Variants in ENTREP2 observed in about 807,000 individuals in gnomAD.
The protein encoded by ENTREP2 is protein ENTREP2.
the ENTREP2 span, among the ~76,000 whole-genome samples, chr15:29,617,867 A>G: frequency 2.0e-3 from 311 of 152,312 alleles, 6 homozygotes; most frequent in East Asian, 0.055. Flanking sequence ...CCTGTGTCTC[A>G]GCCCTCTCGG....
the ENTREP2 span, among the ~76,000 whole-genome samples, chr15:29,440,166 A>C: frequency 6.6e-6 from 1 of 152,226 alleles, no homozygotes; most frequent in Non-Finnish European, 1.5e-5. Flanking sequence ...CTGGATAAAA[A>C]GACCATTAGT....
the ENTREP2 span, among the ~76,000 whole-genome samples, chr15:29,237,271 A>C: frequency 6.6e-6 from 1 of 152,150 alleles, no homozygotes; most frequent in Non-Finnish European, 1.5e-5. Flanking sequence ...GTGGCTCACT[A>C]ATATTTTCTC....
At chr15:29,323,619 A>G in the ENTREP2 span, among the ~76,000 whole-genome samples, 1 of 152,166 alleles carries the variant, frequency 6.6e-6, no homozygotes, top group Non-Finnish European at 1.5e-5. Context: ...CAGAAGTCCT[A>G]GAGGCCTGGA....
the ENTREP2 span, among the ~76,000 whole-genome samples, chr15:29,408,290 C>G: frequency 6.6e-6 from 1 of 151,986 alleles, no homozygotes; most frequent in Non-Finnish European, 1.5e-5. Flanking sequence ...TGGGGAGCAG[C>G]AGAGGAGGGA....
chr15:29,414,596 A>C, the ENTREP2 span, among the ~76,000 whole-genome samples: 1 of 152,182 alleles, frequency 6.6e-6, no homozygotes, highest in African/African-American at 2.4e-5. Flanking sequence ...AGAACTAGAG[A>C]AGCAAGAGCA....
the ENTREP2 span, among the ~76,000 whole-genome samples, chr15:29,213,854 AC>A: frequency 7.9e-5 from 12 of 152,240 alleles, no homozygotes; most frequent in African/African-American, 2.4e-5. Context: ...CAAGAAAAAA[AC>A]AACCCTATCT....
At chr15:29,588,490 AAGAG>A in the ENTREP2 span, among the ~76,000 whole-genome samples, 20 of 136,518 alleles carry the variant, frequency 1.5e-4, no homozygotes, top group African/African-American at 3.0e-4. Context: ...AAGAGAGATC[AAGAG>A]AGAGAGAGAG....
At chr15:29,657,119 C>A in the ENTREP2 span, among the ~76,000 whole-genome samples, 5 of 152,262 alleles carry the variant, frequency 3.3e-5, no homozygotes, top group African/African-American at 1.2e-4. Flanking sequence ...GCGGTCTTGG[C>A]TCACTGCAAG....
At chr15:29,421,045 C>CCCGG in the ENTREP2 span, among the ~76,000 whole-genome samples, 2 of 152,180 alleles carry the variant, frequency 1.3e-5, no homozygotes, top group African/African-American at 4.8e-5. Flanking sequence ...AAAGAGGGAA[C>CCCGG]CCGGGCTGAC....
the ENTREP2 span, among the ~76,000 whole-genome samples, chr15:29,650,929 T>C: frequency 5.9e-5 from 9 of 152,270 alleles, no homozygotes; most frequent in East Asian, 1.9e-4. Flanking sequence ...GGTGGGAGGA[T>C]TGCTTGAGCC....
At chr15:29,492,674 G>A in the ENTREP2 span, among the ~76,000 whole-genome samples, 5,509 of 152,176 alleles carry the variant, frequency 0.036, 310 homozygotes, top group African/African-American at 0.12. Context: ...TTAACATGCT[G>A]CCAAACACAC....
the ENTREP2 span, among the ~76,000 whole-genome samples, chr15:29,474,315 G>T: frequency 6.6e-6 from 1 of 152,220 alleles, no homozygotes; most frequent in South Asian, 2.1e-4. Flanking sequence ...GTCTCAGAAA[G>T]GCTGCGCCCG....
At chr15:29,134,579 G>A in the ENTREP2 span, among the ~76,000 whole-genome samples, 28,082 of 152,238 alleles carry the variant, frequency 0.18, 3,287 homozygotes, top group Non-Finnish European at 0.27. Context: ...TACAGCGTCT[G>A]AATGCGCTGT....
chr15:29,530,102 T>A, the ENTREP2 span, among the ~76,000 whole-genome samples: 11 of 152,190 alleles, frequency 7.2e-5, no homozygotes, highest in East Asian at 2.1e-3. Context: ...CGCTCACATC[T>A]CCCATGCTCG....
At chr15:29,391,218 T>C in the ENTREP2 span, among the ~76,000 whole-genome samples, 3 of 151,876 alleles carry the variant, frequency 2.0e-5, no homozygotes, top group African/African-American at 7.3e-5. Context: ...ACCCTGTCCA[T>C]GCTTTCTGCC....
At chr15:29,218,766 T>C in the ENTREP2 span, among the ~76,000 whole-genome samples, 2 of 152,136 alleles carry the variant, frequency 1.3e-5, no homozygotes, top group African/African-American at 2.4e-5. Flanking sequence ...TAGCCACATG[T>C]AGGAGAATGA....
At chr15:29,151,877 C>T in the ENTREP2 span, 15 of 1,476,874 alleles carry the variant, frequency 1.0e-5, no homozygotes, top group Non-Finnish European at 1.2e-5. Context: ...TCAGCCTCAT[C>T]CCGAAATAGA....
At chr15:29,561,554 G>A in the ENTREP2 span, among the ~76,000 whole-genome samples, 5 of 152,062 alleles carry the variant, frequency 3.3e-5, no homozygotes, top group Non-Finnish European at 5.9e-5. Context: ...CAGGCATGGT[G>A]GCGGGTGCCT....
At chr15:29,291,920 ATAT>A in the ENTREP2 span, among the ~76,000 whole-genome samples, 1 of 152,058 alleles carries the variant, frequency 6.6e-6, no homozygotes, top group Non-Finnish European at 1.5e-5. Flanking sequence ...CAAAAGGAAA[ATAT>A]TATTATTACC....
Sources: allele counts gnomAD v4.1 joint callset (sites outside exome capture counted in the v4.1 genomes callset), GRCh38; gene constraint gnomAD v4.1.1; transcripts MANE v1.5; gene names NCBI Gene and HGNC (gene_info 2026-07-23, HGNC 2026-07-21).